The following LMO7 variants were observed in gnomAD, a reference collection of about 807,000 sequenced individuals.
The protein encoded by LMO7 is LIM domain only protein 7.
LMO7 carries 120 observed loss-of-function variants against 206.5 expected under a neutral mutation model. That is an observed-to-expected ratio of 0.58 (90% confidence interval 0.50 to 0.68). The LOEUF is 0.68. Among genes scored for constraint, LMO7 ranks in the 30% least tolerant of loss-of-function variants. The pLI is 0.00. For missense variants in LMO7, 1,959 were observed against 1,957.9 expected (o/e 1.00, Z -0.01); for synonymous variants, 706 against 681.5 (o/e 1.04, Z -0.56).
chr13:75,752,634 C>T (rs1285719924), intron 3 of LMO7, among the ~76,000 whole-genome samples: 1 of 152,196 alleles, frequency 6.6e-6, no homozygotes. Flanking sequence ...CATTCACACT[C>T]TACTTCCATT....
At chr13:75,734,186 A>T (rs929099133) in intron 3 of LMO7, among the ~76,000 whole-genome samples, 1 of 152,198 alleles carries the variant, frequency 6.6e-6, no homozygotes, top group East Asian at 1.9e-4. Flanking sequence ...CTAGCTTTCA[A>T]ATCAGGATTT....
At chr13:75,814,736 G>C (rs749123358) in intron 11 of LMO7, among the ~76,000 whole-genome samples, 6 of 152,196 alleles carry the variant, frequency 3.9e-5, no homozygotes, top group Non-Finnish European at 7.3e-5. Context: ...GGGTGGGTCA[G>C]GGGAGAGGGG....
Position 75,820,920 on chromosome 13 carries a change from G to C in LMO7, c.2208-257G>C, listed in dbSNP as rs1196645014. Among the ~76,000 whole-genome samples the C allele has an allele frequency of 4.6e-5, 7 of 151,912 alleles. No homozygotes were observed. The East Asian group carries it at 1.4e-3, about 29-fold the overall frequency. ...GCTGAGTCAGGAGAATTGCTTGAAT[G>C]CGGGAGGCGGAGGTTGCAGGTGAGC... On this transcript the variant is annotated intron_variant, in intron 13 of 30. Transcript: ENST00000377534.
intron 1 of LMO7, among the ~76,000 whole-genome samples, chr13:75,708,237 CT>C (rs2138014654): frequency 6.6e-6 from 1 of 152,298 alleles, no homozygotes; most frequent in East Asian, 1.9e-4. Context: ...GGTTATGTAA[CT>C]TGCTTAAGAT....
chr13:75,703,993 G>T (rs1198318124), intron 1 of LMO7, among the ~76,000 whole-genome samples: 2 of 152,288 alleles, frequency 1.3e-5, no homozygotes, highest in African/African-American at 4.8e-5. Flanking sequence ...TAATGATGTG[G>T]ACATCTTATG....
At chr13:75,813,088 A>G (rs2141204976) in intron 11 of LMO7, among the ~76,000 whole-genome samples, 1 of 152,314 alleles carries the variant, frequency 6.6e-6, no homozygotes, top group East Asian at 1.9e-4. Context: ...CCTCTGAGAT[A>G]ATTCACGTAG....
At chr13:75,711,011 G>A (rs1210519314) in intron 1 of LMO7, among the ~76,000 whole-genome samples, 6 of 152,120 alleles carry the variant, frequency 3.9e-5, no homozygotes, top group Middle Eastern at 3.4e-3. Flanking sequence ...AGCATGAAGC[G>A]TTGTTGAATT....
Position 75,800,829 on chromosome 13 carries a change from C to T in LMO7, c.608C>T (p.Ser203Leu), listed in dbSNP as rs763453988. ...TTTGAAAGCTTGGACTCTTTGGGCT[C>T]GAGGTCATTGACAAGCTGCTCCTCT... ...DSFESLDSLG[S>L]RSLTSCSSDI... Residue 203 changes from serine to leucine, a missense_variant, in exon 7 of 31, where the codon TCG becomes TTG. Coordinates refer to ENST00000377534, the MANE Select transcript of LMO7 (RefSeq NM_001306080.2). 19 of 1,613,772 alleles carry T rather than the reference C, an allele frequency of 1.2e-5. No individual in the cohort carries two copies. Among genetic ancestry groups the T allele is most frequent in the Non-Finnish European group, 1.1e-5 (13 of 1,179,972 alleles).
intron 1 of LMO7, among the ~76,000 whole-genome samples, chr13:75,644,139 G>A (rs903862289): frequency 6.8e-6 from 1 of 148,094 alleles, no homozygotes; most frequent in Non-Finnish European, 1.5e-5. Context: ...CTAGTGAAGT[G>A]TTTTTTTTTT....
At chr13:75,669,931 T>C (rs761795493) in intron 1 of LMO7, among the ~76,000 whole-genome samples, 1 of 152,110 alleles carries the variant, frequency 6.6e-6, no homozygotes, top group Non-Finnish European at 1.5e-5. Flanking sequence ...GTGCCAAGGG[T>C]GTAGAGAACA....
chr13:75,822,762 C>CTATATATATATATATATA (rs66789925), intron 14 of LMO7, among the ~76,000 whole-genome samples: 11 of 108,438 alleles, frequency 1.0e-4, no homozygotes, highest in South Asian at 3.2e-4. Flanking sequence ...TTTTTAGAAA[C>CTATATATATATATATATA]TATATATATA....
chr13:75,816,874 G>A (rs2057056422), intron 11 of LMO7: 1 of 228,210 alleles, frequency 4.4e-6, no homozygotes. Context: ...TATGAACCTT[G>A]GGTTTTTGTT....
At chr13:75,781,737 C>A in intron 4 of LMO7, among the ~76,000 whole-genome samples, 1 of 152,004 alleles carries the variant, frequency 6.6e-6, no homozygotes, top group Admixed American at 6.6e-5. Context: ...AGTTTACAGT[C>A]CCATCAACAG....
rs768466603 is a variant in LMO7, at chr13:75,805,763, T to C, written c.1196+3T>C. ...TATAAAGAATTTCAGGGATTCAGGT[T>C]TGTCGTTGTGCATGTTTCTGTCACA... On this transcript the variant is annotated splice_donor_region_variant and intron_variant, in intron 9 of 30. Transcript: ENST00000377534. 2.5e-6 allele frequency: 4 copies of C among 1,612,666 alleles called. No homozygotes were observed. In the African/African-American group the frequency reaches 5.3e-5, roughly 22 times the overall value.
intron 29 of LMO7, 84 bp from the exon 30 acceptor site, chr13:75,856,422 G>C (rs538908835): frequency 8.8e-5 from 68 of 771,066 alleles, no homozygotes; most frequent in Non-Finnish European, 1.5e-4. Flanking sequence ...GTAGCATTCT[G>C]CTCATTTCCC....
At chr13:75,636,050 C>A (rs1182554824), upstream of LMO7, 3 of 153,556 alleles carry the variant, frequency 2.0e-5, no homozygotes, top group Admixed American at 1.3e-4. Flanking sequence ...GCCAGGCGGG[C>A]GGGTGCGGGA....
intron 26 of LMO7, among the ~76,000 whole-genome samples, chr13:75,846,164 A>T (rs915554068): frequency 7.2e-5 from 11 of 152,080 alleles, no homozygotes; most frequent in Non-Finnish European, 1.6e-4. Flanking sequence ...AGATTTTTTT[A>T]AAAAACTAAA....
chr13:75,622,214 T>C (rs1397993489), intron 1 of LMO7: 1 of 159,826 alleles, frequency 6.3e-6, no homozygotes, highest in Non-Finnish European at 1.4e-5. Flanking sequence ...ACCTGAACTT[T>C]TGTTGTCAGT....
intron 1 of LMO7, among the ~76,000 whole-genome samples, chr13:75,675,550 G>GT (rs1555292183): frequency 6.6e-6 from 1 of 151,884 alleles, no homozygotes; most frequent in Non-Finnish European, 1.5e-5. Flanking sequence ...TTAGCATTTT[G>GT]TTTGTTTTGT....
Sources: allele counts gnomAD v4.1 joint callset (sites outside exome capture counted in the v4.1 genomes callset), GRCh38; gene constraint gnomAD v4.1.1; transcripts MANE v1.5; gene names NCBI Gene and HGNC (gene_info 2026-07-23, HGNC 2026-07-21).